SYCP2L: variants seen among roughly 807,000 people sequenced by gnomAD.
SYCP2L encodes synaptonemal complex protein 2 like.
Under a neutral mutation model 125.8 loss-of-function variants are expected in SYCP2L, and 98 were observed. The observed-to-expected ratio is 0.78, with a 90% CI of 0.66 to 0.92. The LOEUF (loss-of-function observed/expected upper bound fraction) is 0.92. Among genes scored for constraint, SYCP2L ranks in the 40% least tolerant of loss-of-function variants. The probability of loss-of-function intolerance (pLI) is 0.00; values close to 1 mark genes in which losing one functional copy is unlikely to be tolerated. For missense variants in SYCP2L, 842 were observed against 936.4 expected (o/e 0.90, Z 1.32); for synonymous variants, 317 against 325.4 (o/e 0.97, Z 0.28).
At chr6:10,948,022 T>C (rs893526383) in intron 23 of SYCP2L, among the ~76,000 whole-genome samples, 4 of 152,104 alleles carry the variant, frequency 2.6e-5, no homozygotes, top group Admixed American at 6.6e-5. Flanking sequence ...ATTTTCTCCT[T>C]TGGTTTCTTT....
At chr6:10,914,032 C>T (rs1780649041) in intron 14 of SYCP2L, among the ~76,000 whole-genome samples, 1 of 152,040 alleles carries the variant, frequency 6.6e-6, no homozygotes, top group South Asian at 2.1e-4. Context: ...GGGGTTTCTC[C>T]CTGTTGGTCA....
chr6:10,891,629 G>A lies in SYCP2L; in HGVS notation c.78+48G>A, dbSNP rs375203370. 8 of 410,684 alleles carry A rather than the reference G, an allele frequency of 1.9e-5. No individual in the cohort carries two copies. The highest frequency in any genetic ancestry group is 3.1e-5 in the Non-Finnish European group (7 of 222,718). 25.4% of individuals were successfully genotyped at this position (410,684 alleles called of 1,614,324 possible). A position where few individuals can be genotyped will look rare whatever the true frequency, so the allele number is the denominator to read the frequency against. On this transcript the variant is annotated intron_variant, in intron 2 of 29. Coordinates refer to ENST00000283141, the MANE Select transcript of SYCP2L (RefSeq NM_001040274.3). ...AATCTCTCTCTGTGTGTGTGTGTGT[G>A]TGTGTGTGTGTGTGTGTGTGTGTGT...
At chr6:10,949,055 A>G (rs1781364516) in intron 23 of SYCP2L, among the ~76,000 whole-genome samples, 1 of 152,044 alleles carries the variant, frequency 6.6e-6, no homozygotes, top group Non-Finnish European at 1.5e-5. Context: ...GTTTTACTAG[A>G]GGTCCACCTA....
intron 23 of SYCP2L, among the ~76,000 whole-genome samples, chr6:10,952,443 G>A (rs745901806): frequency 9.9e-5 from 15 of 152,136 alleles, no homozygotes; most frequent in Non-Finnish European, 1.9e-4. Context: ...TTATTTACAC[G>A]ATGTTCCTGG....
chr6:10,958,617 G>T (rs1042008490), intron 25 of SYCP2L, among the ~76,000 whole-genome samples, 167 bp from the exon 26 acceptor site: 1 of 152,130 alleles, frequency 6.6e-6, no homozygotes, highest in East Asian at 1.9e-4. Flanking sequence ...TGAACCTGGG[G>T]TAATACCTGA....
At chr6:10,902,180 A>T (rs976709434) in intron 6 of SYCP2L, among the ~76,000 whole-genome samples, 5 of 152,214 alleles carry the variant, frequency 3.3e-5, no homozygotes, top group African/African-American at 1.2e-4. Context: ...GTGGGGAAGG[A>T]TGGTGGGGAG....
chr6:10,942,906 A>G (rs907450054), intron 23 of SYCP2L, among the ~76,000 whole-genome samples, 160 bp downstream of exon 23: 1 of 152,050 alleles, frequency 6.6e-6, no homozygotes, highest in African/African-American at 2.4e-5. Flanking sequence ...ACTAGTTCTA[A>G]ATGTTCATGA....
chr6:10,922,204 G>A (rs775347233), intron 14 of SYCP2L, among the ~76,000 whole-genome samples: 9 of 152,040 alleles, frequency 5.9e-5, no homozygotes, highest in Non-Finnish European at 1.3e-4. Flanking sequence ...AATAGATCAC[G>A]TTTCTGTGGT....
chr6:10,923,707 G>T (rs1261733201), intron 14 of SYCP2L, among the ~76,000 whole-genome samples: 1 of 126,664 alleles, frequency 7.9e-6, no homozygotes, highest in Non-Finnish European at 1.6e-5. Context: ...TTCTTGAGAC[G>T]GAGTCTAGCT....
chr6:10,962,668 G>C (rs572987495), intron 28 of SYCP2L, among the ~76,000 whole-genome samples: 2 of 152,114 alleles, frequency 1.3e-5, no homozygotes, highest in Non-Finnish European at 2.9e-5. Flanking sequence ...TTTTCGTGTT[G>C]ATATAAATAA....
chr6:10,922,424 G>A (rs1472743350), intron 14 of SYCP2L, among the ~76,000 whole-genome samples: 5 of 149,536 alleles, frequency 3.3e-5, no homozygotes, highest in Non-Finnish European at 5.9e-5. Flanking sequence ...TCTGACCCTT[G>A]TATATGTTTG....
At chr6:10,964,513 C>G (rs1781646513) in intron 29 of SYCP2L, among the ~76,000 whole-genome samples, 1 of 151,996 alleles carries the variant, frequency 6.6e-6, no homozygotes, top group African/African-American at 2.4e-5. Context: ...CTGAAATTCA[C>G]AATGCTCCAG....
chr6:10,936,338 A>C (rs1581834215), intron 21 of SYCP2L, among the ~76,000 whole-genome samples: 1 of 152,102 alleles, frequency 6.6e-6, no homozygotes, highest in African/African-American at 2.4e-5. Flanking sequence ...CTCTACTAAA[A>C]ATACAAAAAC....
At chr6:10,970,084 C>CT (rs1050347759) in intron 29 of SYCP2L, among the ~76,000 whole-genome samples, 1 of 152,016 alleles carries the variant, frequency 6.6e-6, no homozygotes, top group African/African-American at 2.4e-5. Flanking sequence ...CATGCCAGTG[C>CT]TAAGAAGGAA....
At chr6:10,955,591 C>T (rs943108750) in intron 24 of SYCP2L, among the ~76,000 whole-genome samples, 1 of 152,150 alleles carries the variant, frequency 6.6e-6, no homozygotes, top group East Asian at 1.9e-4. Flanking sequence ...TGAGGCTGGC[C>T]TTCTGGACAA....
At chr6:10,922,080 G>A (rs190338658) in intron 14 of SYCP2L, among the ~76,000 whole-genome samples, 229 of 152,242 alleles carry the variant, frequency 1.5e-3, no homozygotes, top group Middle Eastern at 0.01. Context: ...TAAGTAAGAG[G>A]TGGGGGAAAA....
chr6:10,910,044 T>G, intron 10 of SYCP2L, 104 bp from the exon 11 acceptor site: 4 of 846,650 alleles, frequency 4.7e-6, no homozygotes, highest in Non-Finnish European at 7.6e-6. Context: ...TGTTACTGCC[T>G]CCTGGTCATT....
intron 5 of SYCP2L, among the ~76,000 whole-genome samples, chr6:10,898,318 C>A (rs2113294532): frequency 6.6e-6 from 1 of 152,262 alleles, no homozygotes; most frequent in African/African-American, 2.4e-5. Context: ...AGTTCGAGAC[C>A]AGCCTGGCCA....
chr6:10,941,661 G>A (rs1418393941), intron 21 of SYCP2L, among the ~76,000 whole-genome samples: 1 of 152,238 alleles, frequency 6.6e-6, no homozygotes, highest in Non-Finnish European at 1.5e-5. Flanking sequence ...AGATGCTGGA[G>A]AGGATGTGGA....
Sources: allele counts gnomAD v4.1 joint callset (sites outside exome capture counted in the v4.1 genomes callset), GRCh38; gene constraint gnomAD v4.1.1; transcripts MANE v1.5; gene names NCBI Gene and HGNC (gene_info 2026-07-23, HGNC 2026-07-21).